The following ZNF704 variants were observed in gnomAD, a reference collection of about 807,000 sequenced individuals.
ZNF704 encodes the protein zinc finger protein 704.
Under a neutral mutation model 44.7 loss-of-function variants are expected in ZNF704, and 10 were observed. That is an observed-to-expected ratio of 0.22 (90% CI 0.14 to 0.38). The LOEUF is 0.38. ZNF704 is among the 10% of genes least tolerant of loss of function. The pLI is 1.00. For synonymous variants in ZNF704, 211 were observed against 207.6 expected (o/e 1.02, Z -0.14); for missense variants, 390 against 545.5 (o/e 0.71, Z 2.84).
intron 1 of ZNF704, among the ~76,000 whole-genome samples, chr8:80,822,529 C>T (rs1172043428): frequency 1.3e-5 from 2 of 152,158 alleles, no homozygotes; most frequent in East Asian, 3.9e-4. Flanking sequence ...GTCTTTATAG[C>T]AGCATGATTT....
At chr8:80,829,235 A>ATT (rs778119413) in intron 1 of ZNF704, among the ~76,000 whole-genome samples, 1 of 152,238 alleles carries the variant, frequency 6.6e-6, no homozygotes, top group Non-Finnish European at 1.5e-5. Flanking sequence ...AAATCAACAG[A>ATT]TGTAAGGACA....
At chr8:80,685,772 T>C (rs1438185629) in intron 4 of ZNF704, among the ~76,000 whole-genome samples, 1 of 152,214 alleles carries the variant, frequency 6.6e-6, no homozygotes, top group African/African-American at 2.4e-5. Flanking sequence ...AGAGTGCCCA[T>C]ATCACCTCCA....
At chr8:80,793,536 T>A (rs1807748636) in intron 2 of ZNF704, among the ~76,000 whole-genome samples, 1 of 152,116 alleles carries the variant, frequency 6.6e-6, no homozygotes, top group Non-Finnish European at 1.5e-5. Context: ...AAGCCCATTA[T>A]TTAGAAAAGT....
At chr8:80,761,526 G>C (rs1250099907) in intron 2 of ZNF704, among the ~76,000 whole-genome samples, 2 of 151,974 alleles carry the variant, frequency 1.3e-5, no homozygotes, top group African/African-American at 4.8e-5. Context: ...TAAAATCCTG[G>C]AAATCACAAT....
chr8:80,669,128 G>A (rs931885919), intron 5 of ZNF704, among the ~76,000 whole-genome samples: 3 of 152,130 alleles, frequency 2.0e-5, no homozygotes, highest in Non-Finnish European at 2.9e-5. Flanking sequence ...CATATAAACA[G>A]CATATGCTTC....
Position 80,718,055 on chromosome 8 carries a change from C to T in ZNF704, c.222-24948G>A, listed in dbSNP as rs1278206573. On this transcript the variant is annotated intron_variant, in intron 2 of 8. Transcript: ENST00000327835. Reference sequence around the variant, plus strand: ...AAAACCTGCTAAGCTGTGCCTTCCTCGTTTTTGTCTCCACCTTCCAATGAT... The same window carrying T: ...AAAACCTGCTAAGCTGTGCCTTCCTTGTTTTTGTCTCCACCTTCCAATGAT... Among the ~76,000 whole-genome samples, 4 of 152,204 alleles carry T rather than the reference C, an allele frequency of 2.6e-5. No individual in the cohort carries two copies. In the East Asian group the frequency reaches 5.8e-4, roughly 22 times the overall value.
At chr8:80,794,704 C>G (rs1306883510) in intron 2 of ZNF704, among the ~76,000 whole-genome samples, 1 of 152,168 alleles carries the variant, frequency 6.6e-6, no homozygotes, top group Non-Finnish European at 1.5e-5. Flanking sequence ...GATTTTGTTT[C>G]TGTTTGGACA....
intron 1 of ZNF704, among the ~76,000 whole-genome samples, chr8:80,856,039 C>G (rs1028287556): frequency 7.2e-5 from 11 of 152,130 alleles, no homozygotes; most frequent in African/African-American, 1.9e-4. Context: ...CTCACTGAAG[C>G]CTTAAACTCC....
intron 2 of ZNF704, among the ~76,000 whole-genome samples, chr8:80,753,007 T>C (rs1806973674): frequency 6.6e-6 from 1 of 152,206 alleles, no homozygotes; most frequent in South Asian, 2.1e-4. Context: ...CCAACTCCTC[T>C]TGTATTTCCA....
At chr8:80,844,316 T>C (rs907663060) in intron 1 of ZNF704, among the ~76,000 whole-genome samples, 5 of 152,142 alleles carry the variant, frequency 3.3e-5, no homozygotes, top group South Asian at 2.1e-4. Context: ...AGATTGGGTG[T>C]CTGGTAAAAA....
chr8:80,767,882 T>C lies in ZNF704; in HGVS notation c.221+53492A>G, dbSNP rs953017438. ...GAGGTTCCTTTGCTTGCAGTACACA[T>C]TTTAAGAATATCTGGGCCTACTAAT... On this transcript the variant is annotated intron_variant, in intron 2 of 8. Transcript: ENST00000327835. Among the ~76,000 whole-genome samples the C allele has an allele frequency of 2.6e-5, 4 of 152,298 alleles. No homozygotes were observed. The South Asian group carries it at 8.3e-4, about 32-fold the overall frequency.
chr8:80,676,947 G>A (rs978503444), intron 4 of ZNF704, among the ~76,000 whole-genome samples: 19 of 152,298 alleles, frequency 1.2e-4, no homozygotes, highest in East Asian at 1.9e-4. Flanking sequence ...GGCTGTGTGC[G>A]GACTGATAAC....
At chr8:80,721,911 A>T (rs1475882033) in intron 2 of ZNF704, among the ~76,000 whole-genome samples, 2 of 152,140 alleles carry the variant, frequency 1.3e-5, no homozygotes, top group East Asian at 3.8e-4. Context: ...TTTAGAGGAG[A>T]GGCTTACTTA....
intron 7 of ZNF704, among the ~76,000 whole-genome samples, chr8:80,651,607 G>C (rs1185886690): frequency 1.3e-5 from 2 of 152,184 alleles, no homozygotes; most frequent in Non-Finnish European, 2.9e-5. Context: ...AATTCAAGAA[G>C]AAGAGCTAAC....
rs572466003 is a variant in ZNF704, at chr8:80,730,659, A to AT, written c.222-37553dup. Among the ~76,000 whole-genome samples, 60 of 150,730 alleles carry AT rather than the reference A, an allele frequency of 4.0e-4. No individual in the cohort carries two copies. In the Middle Eastern group the frequency reaches 0.01, roughly 26 times the overall value. ...TTTTAATTTCTAAAAAATAGATTAG[A>AT]TTTTTTTTCTCCAATGGTGGGAGCA... On this transcript the variant is annotated intron_variant, in intron 2 of 8. Coordinates refer to ENST00000327835, the MANE Select transcript of ZNF704 (RefSeq NM_001033723.3).
At chr8:80,768,096 T>C (rs1360089634) in intron 2 of ZNF704, among the ~76,000 whole-genome samples, 4 of 152,054 alleles carry the variant, frequency 2.6e-5, no homozygotes, top group Non-Finnish European at 5.9e-5. Context: ...GTAGATTATA[T>C]TGCAGCTGCA....
intron 1 of ZNF704, among the ~76,000 whole-genome samples, chr8:80,823,711 C>T (rs1808320470): frequency 6.6e-6 from 1 of 152,168 alleles, no homozygotes; most frequent in Admixed American, 6.5e-5. Flanking sequence ...GGGTGCCCCT[C>T]TGAGACGAAG....
intron 5 of ZNF704, among the ~76,000 whole-genome samples, chr8:80,668,644 C>A (rs1818232057): frequency 6.6e-6 from 1 of 152,172 alleles, no homozygotes; most frequent in Non-Finnish European, 1.5e-5. Context: ...CAGGACCAGC[C>A]CCTGGTGTAC....
At chr8:80,845,080 C>CT (rs973684696) in intron 1 of ZNF704, among the ~76,000 whole-genome samples, 2 of 152,158 alleles carry the variant, frequency 1.3e-5, no homozygotes, top group African/African-American at 4.8e-5. Context: ...TATTCTATTT[C>CT]TTTATTATAC....
Sources: gnomAD v4.1 joint callset for allele counts (sites outside exome capture counted in the v4.1 genomes callset) on GRCh38, gnomAD v4.1.1 for gene constraint, MANE v1.5 for transcripts, NCBI Gene and HGNC (gene_info 2026-07-23, HGNC 2026-07-21) for gene names.